ZFHX3: variants seen among roughly 807,000 people sequenced by gnomAD.
ZFHX3 encodes zinc finger homeobox protein 3.
In ZFHX3, 42 loss-of-function variants were observed where a neutral mutation model predicts 279.1. That is an observed-to-expected ratio of 0.15 (90% CI 0.12 to 0.19). The LOEUF (loss-of-function observed/expected upper bound fraction) is 0.19. Ranked by LOEUF, ZFHX3 falls within the 10% of genes least tolerant of loss-of-function variation. ZFHX3 has a pLI of 1.00. For missense variants in ZFHX3, 4,981 were observed against 4,754.0 expected (o/e 1.05, Z -1.40); for synonymous variants, 2,293 against 1,957.8 (o/e 1.17, Z -4.52).
chr16:73,535,005 G>A (rs1259704687), intron 2 of ZFHX3, among the ~76,000 whole-genome samples: 1 of 151,972 alleles, frequency 6.6e-6, no homozygotes, highest in East Asian at 1.9e-4. Flanking sequence ...ATTAAGCGAT[G>A]TGATGGTAAA....
chr16:73,345,847 G>T (rs1244607331), intron 3 of ZFHX3, among the ~76,000 whole-genome samples: 4 of 152,252 alleles, frequency 2.6e-5, no homozygotes, highest in Admixed American at 6.5e-5. Flanking sequence ...GCTTGGTGGT[G>T]CTCGGTGACA....
chr16:73,267,666 C>G (rs1249294563), intron 4 of ZFHX3, among the ~76,000 whole-genome samples: 1 of 152,190 alleles, frequency 6.6e-6, no homozygotes, highest in East Asian at 1.9e-4. Context: ...CCAAAGCCCT[C>G]CATGGGCAGC....
intron 2 of ZFHX3, among the ~76,000 whole-genome samples, chr16:73,515,861 G>A (rs760787890): frequency 6.6e-6 from 1 of 152,188 alleles, no homozygotes; most frequent in Non-Finnish European, 1.5e-5. Flanking sequence ...GGACTGATGG[G>A]CTAACTCAGT....
intron 3 of ZFHX3, among the ~76,000 whole-genome samples, chr16:73,422,394 T>C (rs1240463699): frequency 6.6e-6 from 1 of 152,310 alleles, no homozygotes; most frequent in East Asian, 1.9e-4. Flanking sequence ...CTTATTCTTT[T>C]TTAGTAATAC....
At chr16:72,806,071 G>A (rs2036255473) in intron 7 of ZFHX3, 1 of 152,170 alleles carries the variant, frequency 6.6e-6, no homozygotes, top group Non-Finnish European at 1.5e-5. Flanking sequence ...TGTGTGTTTT[G>A]TTTTGTTGGT....
At chr16:73,699,032 C>G (rs1004441886) in intron 1 of ZFHX3, among the ~76,000 whole-genome samples, 13 of 152,082 alleles carry the variant, frequency 8.5e-5, no homozygotes, top group Admixed American at 6.5e-5. Context: ...TTATAGGCGC[C>G]CGCTACCACG....
chr16:73,741,006 A>G (rs959921043), intron 1 of ZFHX3, among the ~76,000 whole-genome samples: 2 of 148,828 alleles, frequency 1.3e-5, no homozygotes, highest in Admixed American at 1.3e-4. Flanking sequence ...TGTACTGGTT[A>G]CCTGAATCAG....
intron 1 of ZFHX3, among the ~76,000 whole-genome samples, chr16:73,688,935 T>C (rs1056646303): frequency 1.3e-5 from 2 of 152,156 alleles, no homozygotes; most frequent in Admixed American, 1.3e-4. Context: ...CCACCATGAT[T>C]GTGAGGCCTC....
At chr16:73,149,884 G>A (rs369876144) in intron 5 of ZFHX3, among the ~76,000 whole-genome samples, 1 of 152,186 alleles carries the variant, frequency 6.6e-6, no homozygotes, top group East Asian at 1.9e-4. Context: ...TGTGTCTGGA[G>A]AAGTAGTCAG....
intron 1 of ZFHX3, among the ~76,000 whole-genome samples, chr16:72,971,041 T>A (rs949512322): frequency 6.6e-6 from 1 of 152,204 alleles, no homozygotes; most frequent in Admixed American, 6.5e-5. Context: ...TTCGGGCTTT[T>A]TTCCTCTGCA....
intron 3 of ZFHX3, among the ~76,000 whole-genome samples, chr16:72,906,509 A>G (rs1443519584): frequency 6.6e-6 from 1 of 152,062 alleles, no homozygotes; most frequent in African/African-American, 2.4e-5. Flanking sequence ...TGCACCAAAA[A>G]AGCTGGCCGG....
chr16:73,055,698 G>GCGCACACA (rs869144632), intron 1 of ZFHX3, among the ~76,000 whole-genome samples: 2 of 109,490 alleles, frequency 1.8e-5, no homozygotes, highest in Middle Eastern at 4.6e-3. Flanking sequence ...GCGCGCGCGC[G>GCGCACACA]CACACACACA....
At chr16:73,792,203 T>C (rs1304947384) in intron 1 of ZFHX3, among the ~76,000 whole-genome samples, 2 of 152,228 alleles carry the variant, frequency 1.3e-5, no homozygotes, top group Non-Finnish European at 2.9e-5. Flanking sequence ...AGTCATACAG[T>C]ATAAAGATCT....
intron 1 of ZFHX3, among the ~76,000 whole-genome samples, chr16:73,779,009 G>A (rs1959357379): frequency 6.6e-6 from 1 of 152,216 alleles, no homozygotes. Flanking sequence ...GGATTCATCT[G>A]CTCTAGAATA....
chr16:73,173,855 G>T (rs1303094138), intron 5 of ZFHX3, among the ~76,000 whole-genome samples: 1 of 152,164 alleles, frequency 6.6e-6, no homozygotes, highest in Non-Finnish European at 1.5e-5. Context: ...GAAAGGGGAA[G>T]GAATAAAATG....
intron 3 of ZFHX3, among the ~76,000 whole-genome samples, chr16:73,414,037 C>CA (rs536863935): frequency 4.5e-4 from 69 of 152,214 alleles, no homozygotes; most frequent in African/African-American, 1.6e-3. Context: ...CAAAAGTAAA[C>CA]AAAAAAACTG....
intron 1 of ZFHX3, among the ~76,000 whole-genome samples, chr16:73,012,056 T>C (rs1038186709): frequency 3.3e-5 from 5 of 152,044 alleles, no homozygotes; most frequent in African/African-American, 9.7e-5. Flanking sequence ...GAGCTAAACA[T>C]TACAGTCAAA....
chr16:73,116,172 T>C (rs1010873341), intron 7 of ZFHX3, among the ~76,000 whole-genome samples: 2 of 152,052 alleles, frequency 1.3e-5, no homozygotes, highest in African/African-American at 4.8e-5. Context: ...TCATCCTGCC[T>C]TTAGTGCTTA....
chr16:73,021,715 C>T (rs966602800), intron 1 of ZFHX3, among the ~76,000 whole-genome samples: 9 of 151,776 alleles, frequency 5.9e-5, no homozygotes, highest in East Asian at 1.9e-4. Flanking sequence ...CCTATAATCC[C>T]GGCTACTCAG....
Sources: gnomAD v4.1 joint callset for allele counts (sites outside exome capture counted in the v4.1 genomes callset) on GRCh38, gnomAD v4.1.1 for gene constraint, MANE v1.5 for transcripts, NCBI Gene and HGNC (gene_info 2026-07-23, HGNC 2026-07-21) for gene names.